The following NKD1 variants were observed in gnomAD, a reference collection of about 807,000 sequenced individuals.
NKD1 encodes NKD inhibitor of Wnt signaling pathway 1, also known as protein naked cuticle homolog 1.
In NKD1, 21 loss-of-function variants were observed where a neutral mutation model predicts 56.0. The observed-to-expected ratio is 0.38, with a 90% confidence interval of 0.27 to 0.54. NKD1 has a LOEUF of 0.54. Among genes scored for constraint, NKD1 ranks in the 20% least tolerant of loss-of-function variants. NKD1 has a pLI of 0.82. For synonymous variants in NKD1, 263 were observed against 265.7 expected, an observed-to-expected ratio of 0.99 and a Z score of 0.10; for missense variants, 578 against 642.7, an observed-to-expected ratio of 0.90 and a Z score of 1.09.
At chr16:50,549,671 ATCTCT>A in intron 3 of NKD1, 116 bp downstream of exon 3, 1 of 1,071,872 alleles carries the variant, frequency 9.3e-7, no homozygotes, top group Admixed American at 3.5e-5. Flanking sequence ...GGGTCTGAAA[ATCTCT>A]TCTCAGCTGC....
chr16:50,588,107 C>T (rs1187640412), intron 3 of NKD1, among the ~76,000 whole-genome samples: 2 of 152,194 alleles, frequency 1.3e-5, no homozygotes, highest in African/African-American at 4.8e-5. Flanking sequence ...ACGGGAATGG[C>T]TGGTGGCCTG....
chr16:50,625,841 T>TGG (rs796637595), intron 6 of NKD1, among the ~76,000 whole-genome samples: 1 of 93,332 alleles, frequency 1.1e-5, no homozygotes, highest in African/African-American at 3.2e-5. Flanking sequence ...GGAAAGAAGT[T>TGG]GGGGGGGGCA....
chr16:50,610,299 C>G (rs1961814333), intron 4 of NKD1, among the ~76,000 whole-genome samples: 2 of 152,200 alleles, frequency 1.3e-5, no homozygotes, highest in African/African-American at 4.8e-5. Flanking sequence ...TGGAGCTGCT[C>G]TGGTTTGAGT....
In NKD1 at chr16:50,642,581, G is replaced by A. The variant is rs1962598021; in HGVS notation, c.*8800G>A. 3 of 152,410 alleles carry A rather than the reference G, an allele frequency of 2.0e-5. No individual in the cohort carries two copies. The highest frequency in any genetic ancestry group is 1.3e-4 in the Admixed American group (2 of 15,300). 9.4% of individuals were successfully genotyped at this position (152,410 alleles called of 1,614,324 possible). A position where few individuals can be genotyped will look rare whatever the true frequency, so the allele number is the denominator to read the frequency against. ...GTTTTTCTCTAACATGGGGCTAATT[G>A]GGGTAACTACCTTACTGAGCTGTTA... On this transcript the variant is annotated 3_prime_UTR_variant, in exon 10 of 10. Transcript: ENST00000268459.
At chr16:50,563,228 T>C (rs1389438032) in intron 3 of NKD1, among the ~76,000 whole-genome samples, 1 of 152,260 alleles carries the variant, frequency 6.6e-6, no homozygotes, top group African/African-American at 2.4e-5. Flanking sequence ...GGCTACCTCA[T>C]TGGACAGCAC....
intron 3 of NKD1, among the ~76,000 whole-genome samples, chr16:50,605,784 T>C (rs1961693531): frequency 6.6e-6 from 1 of 152,214 alleles, no homozygotes; most frequent in African/African-American, 2.4e-5. Flanking sequence ...CCACAGGTAC[T>C]GAGGAATGAC....
chr16:50,549,532 G>C lies in NKD1; in HGVS notation c.169G>C (p.Gly57Arg). The change falls in exon 3 of 10, where the codon GGC (glycine) becomes CGC (arginine). Residue 57 changes from glycine to arginine, a missense_variant. Coordinates refer to ENST00000268459, the MANE Select transcript of NKD1 (RefSeq NM_033119.5). ...GGGACCCCGACAGCTGCGGTTGGCG[G>C]GCACCATAGGCCGAAGCACCCGGGT... ...VSGPRQLRLAGTIGRSTRELV... is the reference protein window; with the variant it reads ...VSGPRQLRLARTIGRSTRELV... 6.2e-7 allele frequency: 1 copy of C among 1,604,792 alleles called. No homozygotes were observed. The highest frequency in any genetic ancestry group is 8.5e-7 in the Non-Finnish European group (1 of 1,175,332).
chr16:50,551,248 G>A (rs1446117436), intron 3 of NKD1, among the ~76,000 whole-genome samples: 1 of 152,080 alleles, frequency 6.6e-6, no homozygotes, highest in Non-Finnish European at 1.5e-5. Context: ...AGGGTGGGGA[G>A]GGGGCCCCAG....
intron 3 of NKD1, among the ~76,000 whole-genome samples, chr16:50,549,760 G>C (rs1293361280): frequency 6.6e-6 from 1 of 152,202 alleles, no homozygotes; most frequent in East Asian, 1.9e-4. Context: ...GAGGCAGAGG[G>C]CTGCCTGGGG....
intron 3 of NKD1, among the ~76,000 whole-genome samples, chr16:50,601,640 G>A (rs937971234): frequency 1.3e-5 from 2 of 152,322 alleles, no homozygotes; most frequent in South Asian, 4.1e-4. Flanking sequence ...AGAAGAGCTC[G>A]TCCCCGTCAG....
intron 3 of NKD1, chr16:50,570,768 C>A: frequency 1.0e-6 from 1 of 979,064 alleles, no homozygotes; most frequent in Non-Finnish European, 1.2e-6. Flanking sequence ...ACTTCCACTC[C>A]CAGGATCTAT....
At chr16:50,582,003 C>G (rs191340961) in intron 3 of NKD1, among the ~76,000 whole-genome samples, 3 of 152,286 alleles carry the variant, frequency 2.0e-5, no homozygotes, top group Admixed American at 2.0e-4. Context: ...CCTTGTTGAT[C>G]TCTGGAAGCT....
In NKD1 at chr16:50,621,733, C is replaced by T. The variant is rs767005666; in HGVS notation, c.366+25C>T. On this transcript the variant is annotated intron_variant, in intron 5 of 9. Coordinates refer to ENST00000268459, the MANE Select transcript of NKD1 (RefSeq NM_033119.5). ...AGTAAGTTTCCTTTTGGTGCTGGGT[C>T]CTGAGGAGATGAGATGGGTTTTCTC... is the stretch of plus-strand genomic sequence containing the variant. The T allele has an allele frequency of 5.7e-6, 9 of 1,569,490 alleles. No homozygotes were observed. In the South Asian group the frequency reaches 1.0e-4, roughly 18 times the overall value.
intron 6 of NKD1, 41 bp downstream of exon 6, chr16:50,625,621 G>T (rs74017751): frequency 3.9e-6 from 5 of 1,278,156 alleles, no homozygotes; most frequent in Non-Finnish European, 5.7e-6. Flanking sequence ...TATCATACCC[G>T]CAGGCACAGG....
Position 50,644,234 on chromosome 16 carries a change from T to G in NKD1, c.*10453T>G, listed in dbSNP as rs1483204781. The G allele has an allele frequency of 6.6e-6, 1 of 152,254 alleles. No individual in the cohort carries two copies. Among genetic ancestry groups the G allele is most frequent in the Non-Finnish European group, 1.5e-5 (1 of 68,044 alleles). The allele number at this position is 152,254 out of a possible 1,614,324, so 9.4% of individuals were successfully genotyped here. ...ACGGAGGGTGAGGATCCACCGTATGTACTTATCTATGCCTCTAATTATTTG... is the reference window on the plus strand; with the variant it reads ...ACGGAGGGTGAGGATCCACCGTATGGACTTATCTATGCCTCTAATTATTTG... On this transcript the variant is annotated 3_prime_UTR_variant, in exon 10 of 10. Coordinates refer to ENST00000268459, the MANE Select transcript of NKD1 (RefSeq NM_033119.5).
At chr16:50,549,689 C>A (rs1193212191) in intron 3 of NKD1, 134 bp downstream of exon 3, 4 of 922,222 alleles carry the variant, frequency 4.3e-6, no homozygotes, top group Non-Finnish European at 6.2e-6. Context: ...TCAGCTGCCC[C>A]CTGCCCCACC....
chr16:50,635,831 T>C lies in NKD1; in HGVS notation c.*2050T>C, dbSNP rs1288398631. 1 of 152,196 alleles carries C rather than the reference T, an allele frequency of 6.6e-6. No homozygotes were observed. The highest frequency in any genetic ancestry group is 2.4e-5 in the African/African-American group (1 of 41,446). 9.4% of individuals were successfully genotyped at this position (152,196 alleles called of 1,614,324 possible). ...CCTTGTTTTGGGTTGTGGGTTTCTG[T>C]TCAGTGAGAACGCAACTCAATCCAA... On this transcript the variant is annotated 3_prime_UTR_variant, in exon 10 of 10. Coordinates refer to ENST00000268459, the MANE Select transcript of NKD1 (RefSeq NM_033119.5). The surrounding 1 kb of genome is among the most constrained non-coding windows in gnomAD (Gnocchi z 4.1).
intron 3 of NKD1, among the ~76,000 whole-genome samples, chr16:50,559,654 C>T (rs1445986727): frequency 6.6e-6 from 1 of 151,892 alleles, no homozygotes; most frequent in African/African-American, 2.4e-5. Context: ...CTCCTTGCCG[C>T]AAGTCTTCCA....
rs1204071707 is a variant in NKD1 at position 50,623,104 on chromosome 16, C to A, written c.366+1396C>A. Among the ~76,000 whole-genome samples the A allele has an allele frequency of 6.6e-6, 1 of 152,118 alleles. No individual in the cohort carries two copies. Among genetic ancestry groups the A allele is most frequent in the South Asian group, 2.1e-4 (1 of 4,834 alleles). On this transcript the variant is annotated intron_variant, in intron 5 of 9. Coordinates refer to ENST00000268459, the MANE Select transcript of NKD1 (RefSeq NM_033119.5). This position sits in a 1 kb window ranked among gnomAD's most constrained non-coding sequence, Gnocchi z 4.1. The stretch of plus-strand genomic sequence containing the variant: ...TATCAGGCAGAGGGAGCTGCAGGAG[C>A]AAAGGCCTGGAGGCTGAAGTGCCGG...
Sources: gnomAD v4.1 joint callset for allele counts (sites outside exome capture counted in the v4.1 genomes callset) on GRCh38, gnomAD v4.1.1 for gene constraint, Gnocchi (gnomAD v3.1) non-coding constraint, MANE v1.5 for transcripts, NCBI Gene and HGNC (gene_info 2026-07-23, HGNC 2026-07-21) for gene names.